Variants in FAAH2 observed in about 807,000 individuals in gnomAD.
The protein encoded by FAAH2 is fatty-acid amide hydrolase 2.
FAAH2 carries 60 observed loss-of-function variants against 36.9 expected under a neutral mutation model. The ratio of observed to expected loss-of-function variants is 1.63; its 90% confidence interval spans 1.32 to 2.02. The LOEUF is 2.02. FAAH2 is among the 30% of genes most tolerant of loss of function. The pLI, the probability that FAAH2 is intolerant of heterozygous loss-of-function variation, is 0.00. For synonymous variants in FAAH2, 214 were observed against 143.8 expected, an observed-to-expected ratio of 1.49 and a Z score of -3.49; for missense variants, 689 against 397.5, an observed-to-expected ratio of 1.73 and a Z score of -6.23.
At chrX:57,296,382 G>A (rs2052159186) in intron 2 of FAAH2, among the ~76,000 whole-genome samples, 1 of 111,992 alleles carries the variant, frequency 8.9e-6, no homozygotes, top group Non-Finnish European at 1.9e-5. Context: ...CAGACCTGCA[G>A]CTGAGGGTCC....
At chrX:57,389,653 C>G (rs1367642922) in intron 7 of FAAH2, among the ~76,000 whole-genome samples, 1 of 110,375 alleles carries the variant, frequency 9.1e-6, no homozygotes, top group Non-Finnish European at 1.9e-5. Flanking sequence ...AATATCTTAG[C>G]AATTATATAT....
intron 7 of FAAH2, among the ~76,000 whole-genome samples, chrX:57,403,265 G>T (rs1473988888): frequency 8.9e-6 from 1 of 112,321 alleles, no homozygotes; most frequent in Non-Finnish European, 1.9e-5. Context: ...TAGTCTTACA[G>T]CGTCCTCTGT....
intron 7 of FAAH2, among the ~76,000 whole-genome samples, chrX:57,407,174 C>T (rs181165958): frequency 4.5e-5 from 5 of 111,977 alleles, no homozygotes; most frequent in African/African-American, 1.6e-4. Flanking sequence ...TCTTATTTGT[C>T]GAAGTCAGAG....
At chrX:57,416,915 CTTTG>C (rs370265756) in intron 7 of FAAH2, among the ~76,000 whole-genome samples, 19 of 111,858 alleles carry the variant, frequency 1.7e-4, no homozygotes, top group African/African-American at 5.2e-4. Context: ...TTCTTGGAGA[CTTTG>C]TTTGCTTTCT....
intron 10 of FAAH2, among the ~76,000 whole-genome samples, chrX:57,459,033 T>A (rs1413935448): frequency 9.0e-6 from 1 of 111,648 alleles, no homozygotes; most frequent in African/African-American, 3.3e-5. Context: ...GTGGTCTCGC[T>A]CAGTGGTTCC....
chrX:57,161,121 A>G, the FAAH2 span, among the ~76,000 whole-genome samples: 1 of 112,026 alleles, frequency 8.9e-6, no homozygotes, highest in Non-Finnish European at 1.9e-5. Context: ...TTATGTACCC[A>G]GTAGTCATTT....
chrX:57,380,990 G>A lies in FAAH2; in HGVS notation c.957G>A (p.Met319Ile), dbSNP rs758766612. 8.4e-7 allele frequency: 1 copy of A among 1,194,238 alleles called. No individual in the cohort carries two copies. The highest frequency in any genetic ancestry group is 1.9e-5 in the South Asian group (1 of 52,738). Residue 319 changes from methionine (M) to isoleucine (I), a missense_variant, in exon 7 of 11, where the codon ATG becomes ATA. Physicochemically the swap from Met to Ile is conservative, Grantham distance 10. Coordinates refer to ENST00000374900, the MANE Select transcript of FAAH2 (RefSeq NM_174912.4). ...AACATGATGGAGGCTCATTTTTAAT[G>A]TCCAAAGTGGACCAAGATCTCATTA... ...WMEHDGGSFL[M>I]SKVDQDLIMT... is the part of the protein sequence containing the mutation.
At chrX:57,150,183 T>A in the FAAH2 span, among the ~76,000 whole-genome samples, 1 of 112,090 alleles carries the variant, frequency 8.9e-6, no homozygotes, top group Non-Finnish European at 1.9e-5. Context: ...CTTCCAACTA[T>A]GTGGTCAATT....
the FAAH2 span, among the ~76,000 whole-genome samples, chrX:57,236,701 G>T: frequency 9.0e-6 from 1 of 110,526 alleles, no homozygotes; most frequent in South Asian, 3.8e-4. Context: ...AGATTATTTG[G>T]GGGGGGTGTT....
chrX:57,481,131 G>A (rs984340289), intron 10 of FAAH2, among the ~76,000 whole-genome samples: 6 of 110,044 alleles, frequency 5.5e-5, no homozygotes, highest in Admixed American at 2.0e-4. Flanking sequence ...ATTTAAGTTA[G>A]CATTTCCTGT....
chrX:57,159,333 G>A, the FAAH2 span, among the ~76,000 whole-genome samples: 1 of 111,546 alleles, frequency 9.0e-6, no homozygotes, highest in Non-Finnish European at 1.9e-5. Context: ...GCTGTTTTTT[G>A]GTTCCATATG....
chrX:57,255,365 C>G, the FAAH2 span, among the ~76,000 whole-genome samples: 1 of 112,090 alleles, frequency 8.9e-6, no homozygotes, highest in Non-Finnish European at 1.9e-5. Context: ...GAGCTGGTAA[C>G]ATTCTTCTGA....
chrX:57,207,181 A>T, the FAAH2 span, among the ~76,000 whole-genome samples: 1 of 111,186 alleles, frequency 9.0e-6, no homozygotes, highest in Non-Finnish European at 1.9e-5. Flanking sequence ...TCAGGGCTGT[A>T]TGATTGCTCA....
intron 10 of FAAH2, among the ~76,000 whole-genome samples, chrX:57,463,671 A>G (rs1395413085): frequency 8.9e-6 from 1 of 112,264 alleles, no homozygotes; most frequent in Non-Finnish European, 1.9e-5. Flanking sequence ...ATCACTGGTC[A>G]TTAGAGAAAT....
At chrX:57,468,073 A>G (rs1256028747) in intron 10 of FAAH2, among the ~76,000 whole-genome samples, 1 of 112,023 alleles carries the variant, frequency 8.9e-6, no homozygotes, top group Non-Finnish European at 1.9e-5. Flanking sequence ...AAAAGAAAGG[A>G]CATCCACACC....
the FAAH2 span, among the ~76,000 whole-genome samples, chrX:57,158,117 C>G: frequency 9.0e-6 from 1 of 111,079 alleles, no homozygotes; most frequent in African/African-American, 3.3e-5. Flanking sequence ...TCTGTCCCTG[C>G]GATAGTTTGC....
intron 10 of FAAH2, among the ~76,000 whole-genome samples, chrX:57,453,788 A>C (rs189069568): frequency 4.9e-3 from 547 of 111,985 alleles, no homozygotes; most frequent in Non-Finnish European, 7.7e-3. Context: ...CAGCTCTTAG[A>C]TGATCAGGAC....
chrX:57,192,174 G>A, the FAAH2 span, among the ~76,000 whole-genome samples: 1 of 111,003 alleles, frequency 9.0e-6, no homozygotes, highest in South Asian at 3.8e-4. Context: ...CATTGTAGAA[G>A]CCTTTCACTT....
chrX:57,304,823 GT>G (rs1289226083), intron 2 of FAAH2, among the ~76,000 whole-genome samples: 12 of 111,362 alleles, frequency 1.1e-4, no homozygotes, highest in Admixed American at 6.7e-4. Context: ...CAGTTGTTAT[GT>G]ACCTAATGGG....
Sources: gnomAD v4.1 joint callset for allele counts (sites outside exome capture counted in the v4.1 genomes callset) on GRCh38, gnomAD v4.1.1 for gene constraint, MANE v1.5 for transcripts, NCBI Gene and HGNC (gene_info 2026-07-23, HGNC 2026-07-21) for gene names.